The following KCNK12 variants were observed in gnomAD, a reference collection of about 807,000 sequenced individuals.
The protein encoded by KCNK12 is potassium two pore domain channel subfamily K member 12.
KCNK12 carries 6 observed loss-of-function variants against 25.3 expected under a neutral mutation model. The ratio of observed to expected loss-of-function variants is 0.24; its 90% CI spans 0.13 to 0.47. The LOEUF (loss-of-function observed/expected upper bound fraction) is 0.47, where lower values mean the gene tolerates loss of function less well. KCNK12 is among the 20% of genes least tolerant of loss of function. The pLI, the probability that KCNK12 is intolerant of heterozygous loss-of-function variation, is 0.99. For missense variants in KCNK12, 444 were observed against 661.7 expected, an observed-to-expected ratio of 0.67 and a Z score of 3.61; for synonymous variants, 331 against 311.1, an observed-to-expected ratio of 1.06 and a Z score of -0.67.
chr2:47,520,961 C>T lies in KCNK12; in HGVS notation c.1239G>A (p.Val413=), dbSNP rs1668639415. 2 of 1,306,830 alleles carry T rather than the reference C, an allele frequency of 1.5e-6. No homozygotes were observed. Among genetic ancestry groups the T allele is most frequent in the South Asian group, 4.3e-5 (2 of 46,916 alleles). 81.0% of individuals were successfully genotyped at this position (1,306,830 alleles called of 1,614,324 possible). A position where few individuals can be genotyped will look rare whatever the true frequency, so the allele number is the denominator to read the frequency against. Residue 413 remains valine (V), a synonymous_variant, in exon 2 of 2, where the codon GTG becomes GTA. Transcript: ENST00000327876. The surrounding 1 kb of genome is among the most constrained non-coding windows in gnomAD (Gnocchi z 5.0). ...NTRQNGFSGG[V]GALGIMNNRL... is the part of the protein sequence containing the mutation. ...GGTTGTTCATGATGCCCAGCGCGCC[C>T]ACGCCGCCCGAGAAGCCGTTCTGGC...
rs930888429 is a variant in KCNK12, at chr2:47,511,798, T to C, written c.*9109A>G. Among the ~76,000 whole-genome samples, 2 of 152,220 alleles carry C rather than the reference T, an allele frequency of 1.3e-5. No individual in the cohort carries two copies. The highest frequency in any genetic ancestry group is 4.8e-5 in the African/African-American group (2 of 41,446). ...TTAGAGCAGCCCTGCGTTGTAGACT[T>C]TTCTGCAGTGACAGAAATGTTCTAT... On this transcript the variant is annotated 3_prime_UTR_variant, in exon 2 of 2. Transcript: ENST00000327876. This position sits in a 1 kb window ranked among gnomAD's most constrained non-coding sequence, Gnocchi z 4.3.
At chr2:47,531,491 G>C (rs1558551358) in intron 1 of KCNK12, among the ~76,000 whole-genome samples, 2 of 151,418 alleles carry the variant, frequency 1.3e-5, no homozygotes, top group Admixed American at 6.6e-5. Context: ...AAAAAGATTA[G>C]GTGGGATTTC....
At position 47,511,479 on chromosome 2, in the gene KCNK12, T is replaced by G. The variant is rs1668401137; in HGVS notation, c.*9428A>C. Among the ~76,000 whole-genome samples, 1 of 152,212 alleles carries G rather than the reference T, an allele frequency of 6.6e-6. No individual in the cohort carries two copies. Among genetic ancestry groups the G allele is most frequent in the Admixed American group, 6.5e-5 (1 of 15,286 alleles). On this transcript the variant is annotated 3_prime_UTR_variant, in exon 2 of 2. Coordinates refer to ENST00000327876, the MANE Select transcript of KCNK12 (RefSeq NM_022055.2). The surrounding 1 kb of genome is among the most constrained non-coding windows in gnomAD (Gnocchi z 4.3). ...AAGAAATCTGTCCAGAACCCCAGCA[T>G]CTGTGGTGTCTGTGGTGGGAGGGGC...
At chr2:47,546,404 T>C (rs570706626) in intron 1 of KCNK12, among the ~76,000 whole-genome samples, 2 of 152,358 alleles carry the variant, frequency 1.3e-5, no homozygotes, top group African/African-American at 4.8e-5. Flanking sequence ...ATCATACAGG[T>C]GCTGTGAAAC....
At position 47,513,783 on chromosome 2, in the gene KCNK12, T is replaced by G. The variant is rs1353911557; in HGVS notation, c.*7124A>C. Among the ~76,000 whole-genome samples the G allele has an allele frequency of 6.6e-6, 1 of 152,134 alleles. No homozygotes were observed. The highest frequency in any genetic ancestry group is 1.5e-5 in the Non-Finnish European group (1 of 68,018). ...AGCCTGAGACCTGGCTCCGTCCCAA[T>G]TCCTCTCTCTCAGTCTTATCATCCC... On this transcript the variant is annotated 3_prime_UTR_variant, in exon 2 of 2. Transcript: ENST00000327876.
rs1309512216 is a variant in KCNK12 at position 47,548,073 on chromosome 2, T to C, written c.391+21868A>G. ...TGCTCTCTTCCTCCTGCTCCAGCCA[T>C]GAAGGACGTGTCTGCTTCCTCTTTG... is the stretch of plus-strand genomic sequence containing the variant. On this transcript the variant is annotated intron_variant, in intron 1 of 1. Transcript: ENST00000327876. This position sits in a 1 kb window ranked among gnomAD's most constrained non-coding sequence, Gnocchi z 4.4. Among the ~76,000 whole-genome samples the C allele has an allele frequency of 1.3e-5, 2 of 152,210 alleles. No individual in the cohort carries two copies. The highest frequency in any genetic ancestry group is 4.8e-5 in the African/African-American group (2 of 41,446).
rs555160999 is a variant in KCNK12 at position 47,543,890 on chromosome 2, A to T, written c.392-22082T>A. ...CATCGCCCACCCAGCTTCAATCCTC[A>T]TAGCTACTTCTGCCACTGATGGGAG... On this transcript the variant is annotated intron_variant, in intron 1 of 1. Transcript: ENST00000327876. 2.6e-5 allele frequency: 4 copies of T among 152,350 alleles called. No individual in the cohort carries two copies. The South Asian group carries it at 8.3e-4, about 32-fold the overall frequency. 9.4% of individuals were successfully genotyped at this position (152,350 alleles called of 1,614,324 possible).
At chr2:47,567,054 A>G (rs1204329365) in intron 1 of KCNK12, 1 of 152,254 alleles carries the variant, frequency 6.6e-6, no homozygotes, top group Non-Finnish European at 1.5e-5. Context: ...TGATACATAC[A>G]ATCATGTTAC....
rs973029783 is a variant in KCNK12 at position 47,555,404 on chromosome 2, C to T, written c.391+14537G>A. ...CTTACCCTCTCTGTACTCTTAATCA[C>T]TGGGGACCCCACTGTCACTCTAGAG... On this transcript the variant is annotated intron_variant, in intron 1 of 1. Coordinates refer to ENST00000327876, the MANE Select transcript of KCNK12 (RefSeq NM_022055.2). This position sits in a 1 kb window ranked among gnomAD's most constrained non-coding sequence, Gnocchi z 4.5. Among the ~76,000 whole-genome samples, 1 of 152,214 alleles carries T rather than the reference C, an allele frequency of 6.6e-6. No individual in the cohort carries two copies. The highest frequency in any genetic ancestry group is 2.4e-5 in the African/African-American group (1 of 41,470).
intron 1 of KCNK12, among the ~76,000 whole-genome samples, chr2:47,530,588 G>A (rs934867545): frequency 2.6e-5 from 4 of 152,154 alleles, no homozygotes; most frequent in Admixed American, 1.3e-4. Flanking sequence ...TGCTGCACGC[G>A]TATCAATTCA....
rs1669852485 is a variant in KCNK12 at position 47,569,845 on chromosome 2, C to T, written c.391+96G>A. Reference sequence around the variant, plus strand: ...AGCAAAGGGACATTAGAAGGGAAGGCAGAGCCGAGGGACGCGGACCGAGCG... The same window carrying T: ...AGCAAAGGGACATTAGAAGGGAAGGTAGAGCCGAGGGACGCGGACCGAGCG... On this transcript the variant is annotated intron_variant, in intron 1 of 1. Coordinates refer to ENST00000327876, the MANE Select transcript of KCNK12 (RefSeq NM_022055.2). This position sits in a 1 kb window ranked among gnomAD's most constrained non-coding sequence, Gnocchi z 4.1. 1 of 1,027,938 alleles carries T rather than the reference C, an allele frequency of 9.7e-7. No homozygotes were observed. Among genetic ancestry groups the T allele is most frequent in the Non-Finnish European group, 1.3e-6 (1 of 783,334 alleles). The allele number at this position is 1,027,938 out of a possible 1,614,324, so 63.7% of individuals were successfully genotyped here.
At chr2:47,561,187 G>C (rs1425832289) in intron 1 of KCNK12, among the ~76,000 whole-genome samples, 1 of 152,170 alleles carries the variant, frequency 6.6e-6, no homozygotes, top group Non-Finnish European at 1.5e-5. Context: ...AGCACACCTG[G>C]AAACAAGGAG....
rs1558563296 is a variant in KCNK12, at chr2:47,555,669, A to T, written c.391+14272T>A. Among the ~76,000 whole-genome samples, 1 of 152,130 alleles carries T rather than the reference A, an allele frequency of 6.6e-6. No individual in the cohort carries two copies. Among genetic ancestry groups the T allele is most frequent in the African/African-American group, 2.4e-5 (1 of 41,406 alleles). On this transcript the variant is annotated intron_variant, in intron 1 of 1. Coordinates refer to ENST00000327876, the MANE Select transcript of KCNK12 (RefSeq NM_022055.2). The surrounding 1 kb of genome is among the most constrained non-coding windows in gnomAD (Gnocchi z 4.5). ...TATGCAATAAATCTTTTCTCCTATT[A>T]ATCTGTCTTTTAATTCAGGGCCCTA...
rs1250828175 is a variant in KCNK12, at chr2:47,513,640, A to T, written c.*7267T>A. On this transcript the variant is annotated 3_prime_UTR_variant, in exon 2 of 2. Coordinates refer to ENST00000327876, the MANE Select transcript of KCNK12 (RefSeq NM_022055.2). ...ATTGCTTGGTGGGAACCCCTCCCCCATGGTTATCTCATGGGTCCCTGAAGT... is the reference window on the plus strand; with the variant it reads ...ATTGCTTGGTGGGAACCCCTCCCCCTTGGTTATCTCATGGGTCCCTGAAGT... 6.6e-6 allele frequency among the ~76,000 whole-genome samples: 1 copy of T among 152,120 alleles called. No homozygotes were observed. The highest frequency in any genetic ancestry group is 6.5e-5 in the Admixed American group (1 of 15,278).
intron 1 of KCNK12, among the ~76,000 whole-genome samples, chr2:47,544,246 C>G (rs968068011): frequency 6.6e-6 from 1 of 152,218 alleles, no homozygotes; most frequent in African/African-American, 2.4e-5. Flanking sequence ...AAAGCTACAC[C>G]AAAGGAACCC....
intron 1 of KCNK12, among the ~76,000 whole-genome samples, chr2:47,541,761 T>A (rs1474463028): frequency 1.3e-5 from 2 of 152,208 alleles, no homozygotes; most frequent in Non-Finnish European, 2.9e-5. Flanking sequence ...AAGGTGGTTG[T>A]CTGCAAGCCA....
At chr2:47,537,070 T>C (rs1376421745) in intron 1 of KCNK12, among the ~76,000 whole-genome samples, 1 of 152,214 alleles carries the variant, frequency 6.6e-6, no homozygotes, top group Non-Finnish European at 1.5e-5. Flanking sequence ...GAAATGCTTA[T>C]GCTCCATGGC....
Position 47,515,390 on chromosome 2 carries a change from TC to T in KCNK12, c.*5516del, listed in dbSNP as rs1300357321. On this transcript the variant is annotated 3_prime_UTR_variant, in exon 2 of 2. Transcript: ENST00000327876. ...ACTAAGTCTGTGAGAGTTATTTACATCCTACTGCTTAAGGTCATCGCCAAAA... is the reference window on the plus strand; with the variant it reads ...ACTAAGTCTGTGAGAGTTATTTACATCTACTGCTTAAGGTCATCGCCAAAA... Among the ~76,000 whole-genome samples the T allele has an allele frequency of 3.3e-5, 5 of 152,356 alleles. No individual in the cohort carries two copies. Among genetic ancestry groups the T allele is most frequent in the African/African-American group, 1.2e-4 (5 of 41,588 alleles).
chr2:47,534,772 AGACAGACCAGCCAGGCGTGAGGT>A (rs531795617), intron 1 of KCNK12: 280 of 178,242 alleles, frequency 1.6e-3, no homozygotes, highest in Middle Eastern at 0.011. Flanking sequence ...CTCAGAAGGG[AGACAGACCAGCCAGGCGTGAGGT>A]GACAGACCAG....
Sources: allele counts gnomAD v4.1 joint callset (sites outside exome capture counted in the v4.1 genomes callset), GRCh38; gene constraint gnomAD v4.1.1; non-coding constraint Gnocchi (gnomAD v3.1); transcripts MANE v1.5; gene names NCBI Gene and HGNC (gene_info 2026-07-23, HGNC 2026-07-21).